CLCN2: variants seen among roughly 807,000 people sequenced by gnomAD.
The protein encoded by CLCN2 is chloride voltage-gated channel 2.
In CLCN2, 72 loss-of-function variants were observed where a neutral mutation model predicts 108.3. The ratio of observed to expected loss-of-function variants is 0.66; its 90% CI spans 0.55 to 0.81. The LOEUF is 0.81. Ranked by LOEUF, CLCN2 falls within the 30% of genes least tolerant of loss-of-function variation. CLCN2 has a pLI of 0.00. For missense variants in CLCN2, 1,048 were observed against 1,205.2 expected (o/e 0.87, Z 1.93); for synonymous variants, 471 against 467.1 (o/e 1.01, Z -0.11).
rs1457631922 is a variant in CLCN2 at position 184,358,749 on chromosome 3, G to A, written c.285C>T (p.Val95=). The A allele has an allele frequency of 1.9e-6, 3 of 1,605,840 alleles. No individual in the cohort carries two copies. The Admixed American group carries it at 5.1e-5, about 27-fold the overall frequency. ...CCAATGCCATGAGAAGCCCCAGCAG[G>A]ACCAGGAAGATCCAATCTTCACCAA... ...SRVGEDWIFL[V]LLGLLMALVS... is the part of the protein sequence containing the mutation. Residue 95 remains valine, a synonymous_variant, in exon 3 of 24, where the codon GTC becomes GTT. Transcript: ENST00000265593.
rs750254987 is a variant in CLCN2 at position 184,353,392 on chromosome 3, C to T, written c.1886G>A (p.Arg629His). ...ESMILLGSIE[R>H]SQVVALLGAQ... is the part of the protein sequence containing the mutation. ...CCCCAACAATGCCACCACCTGTGAA[C>T]GCTCGATGGAGCCCAGCAGAATCAT... The change falls in exon 17 of 24, where the codon CGT becomes CAT. Residue 629 changes from arginine to histidine, a missense_variant. Transcript: ENST00000265593. 9.3e-6 allele frequency: 15 copies of T among 1,612,224 alleles called. No individual in the cohort carries two copies. Among genetic ancestry groups the T allele is most frequent in the East Asian group, 6.7e-5 (3 of 44,878 alleles).
At chr3:184,351,742 TC>T (rs1728112169) in intron 22 of CLCN2, among the ~76,000 whole-genome samples, 1 of 152,186 alleles carries the variant, frequency 6.6e-6, no homozygotes, top group Non-Finnish European at 1.5e-5. Flanking sequence ...CCCAGCTCAA[TC>T]CCTGTCTTTG....
chr3:184,352,293 C>T lies in CLCN2; in HGVS notation c.2310G>A (p.Glu770=). ...ADLEGEMSPE[E]ILEWEEQQLD... Reference sequence around the variant, plus strand: ...GGTCCAGAGTCCAGTGGCACCTTACCTCTTCAGGGCTCATCTCGCCTTCCA... The same window carrying T: ...GGTCCAGAGTCCAGTGGCACCTTACTTCTTCAGGGCTCATCTCGCCTTCCA... Residue 770 remains glutamate (E), a splice_region_variant and synonymous_variant, in exon 21 of 24, where the codon GAG becomes GAA. Transcript: ENST00000265593. 6.2e-7 allele frequency: 1 copy of T among 1,613,518 alleles called. No homozygotes were observed. The highest frequency in any genetic ancestry group is 8.5e-7 in the Non-Finnish European group (1 of 1,180,024).
At chr3:184,347,483 G>A in intron 22 of CLCN2, 1 of 299,432 alleles carries the variant, frequency 3.3e-6, no homozygotes, top group Non-Finnish European at 6.5e-6. Flanking sequence ...TGGCTGTGCA[G>A]CCCCAGTCAC....
rs766247421 is a variant in CLCN2 at position 184,347,001 on chromosome 3, C to T, written c.2436G>A (p.Leu812=). Residue 812 remains leucine, a synonymous_variant, in exon 23 of 24, where the codon CTG becomes CTA. Transcript: ENST00000265593. ...SLHKTHTIFS[L]LGVDHAYVTS... The stretch of plus-strand genomic sequence containing the variant: ...TGACATAAGCATGGTCCACTCCCAG[C>T]AGTGAGAAGATAGTGTGAGTCTGCA... 7 of 1,613,846 alleles carry T rather than the reference C, an allele frequency of 4.3e-6. No homozygotes were observed. Among genetic ancestry groups the T allele is most frequent in the Non-Finnish European group, 5.9e-6 (7 of 1,179,886 alleles).
At chr3:184,358,582 T>G in intron 3 of CLCN2, 100 bp downstream of exon 3, 1 of 1,488,732 alleles carries the variant, frequency 6.7e-7, no homozygotes, top group South Asian at 1.2e-5. Flanking sequence ...AAGTGGTCAG[T>G]GGCCAAGAAG....
intron 9 of CLCN2, 35 bp downstream of exon 9, chr3:184,357,147 C>A (rs1560263837): frequency 1.9e-6 from 3 of 1,610,902 alleles, no homozygotes; most frequent in Non-Finnish European, 2.5e-6. Flanking sequence ...AAACCCCCCT[C>A]CTCTCTGATA....
rs747144140 is a variant in CLCN2, at chr3:184,346,678, G to A, written c.2625C>T (p.Leu875=). The change falls in exon 24 of 24, where the codon CTC becomes CTT. Residue 875 remains leucine (L), a synonymous_variant. Transcript: ENST00000265593. This position sits in a 1 kb window ranked among gnomAD's most constrained non-coding sequence, Gnocchi z 6.0. ...SDTETTEVHA[L]WGPHSRHGLP... ...GGCCATGACGGGAGTGGGGCCCCCA[G>A]AGTGCATGCACCTCAGTGGTCTCCG... The A allele has an allele frequency of 8.1e-6, 13 of 1,614,104 alleles. No individual in the cohort carries two copies. The highest frequency in any genetic ancestry group is 1.1e-5 in the Non-Finnish European group (13 of 1,180,046).
At chr3:184,353,897 G>T in intron 15 of CLCN2, 102 bp from the exon 16 acceptor site, 9 of 1,531,602 alleles carry the variant, frequency 5.9e-6, no homozygotes, top group Non-Finnish European at 8.0e-6. Context: ...GCCCATCCAT[G>T]GGGACGGGAG....
In CLCN2 at chr3:184,353,475, C is replaced by T. The variant is rs531626330; in HGVS notation, c.1856-53G>A. ...GAGCTGAGAGGGAGCCCTCCAGCCC[C>T]GTCCTTCTCTCACACTCAGAGTGGG... On this transcript the variant is annotated intron_variant, in intron 16 of 23. Coordinates refer to ENST00000265593, the MANE Select transcript of CLCN2 (RefSeq NM_004366.6). 22 of 1,560,698 alleles carry T rather than the reference C, an allele frequency of 1.4e-5. No individual in the cohort carries two copies. In the Admixed American group the frequency reaches 1.9e-4, roughly 14 times the overall value.
chr3:184,350,928 T>C (rs1728045674), intron 22 of CLCN2, among the ~76,000 whole-genome samples: 1 of 152,174 alleles, frequency 6.6e-6, no homozygotes, highest in Non-Finnish European at 1.5e-5. Flanking sequence ...TCATCATGGA[T>C]GTTTGAGGAG....
At chr3:184,349,184 T>C (rs994025914) in intron 22 of CLCN2, 1 of 152,160 alleles carries the variant, frequency 6.6e-6, no homozygotes, top group African/African-American at 2.4e-5. Context: ...TTTAAACAAT[T>C]TTTTTTAGTT....
At position 184,358,697 on chromosome 3, in the gene CLCN2, C is replaced by G; in HGVS notation, c.337G>C (p.Ala113Pro). ...TCACCCTCACCTTGCAGACAGGCAG[C>G]AATGGCATAGTCCATGACCCAGCTG... The part of the protein sequence containing the change: ...LVSWVMDYAI[A>P]ACLQAQQWMS... Residue 113 changes from alanine to proline, a missense_variant, in exon 3 of 24, where the codon GCT becomes CCT. Ala to Pro is a conservative substitution (Grantham distance 27). Transcript: ENST00000265593. 2 of 1,579,992 alleles carry G rather than the reference C, an allele frequency of 1.3e-6. No homozygotes were observed. Among genetic ancestry groups the G allele is most frequent in the Non-Finnish European group, 1.7e-6 (2 of 1,161,566 alleles).
At chr3:184,357,924 ACCAGGAGGGACT>A (rs1711522019) in intron 5 of CLCN2, 26 bp downstream of exon 5, 2 of 1,613,612 alleles carry the variant, frequency 1.2e-6, no homozygotes, top group African/African-American at 2.7e-5. Context: ...CTCCTCTTCC[ACCAGGAGGGACT>A]CCTTCATTCC....
rs939014024 is a variant in CLCN2 at position 184,354,535 on chromosome 3, C to A, written c.1507+13G>T. 3.1e-6 allele frequency: 5 copies of A among 1,607,570 alleles called. No individual in the cohort carries two copies. The African/African-American group carries it at 5.4e-5, about 17-fold the overall frequency. On this transcript the variant is annotated intron_variant, in intron 14 of 23. Coordinates refer to ENST00000265593, the MANE Select transcript of CLCN2 (RefSeq NM_004366.6). ...GGGGGTCTCCCAAGGCCGATGGGAC[C>A]TGAGGCACTCACCGACCACAGCGTA...
chr3:184,349,167 T>C (rs1727913518), intron 22 of CLCN2: 1 of 152,210 alleles, frequency 6.6e-6, no homozygotes, highest in East Asian at 1.9e-4. Context: ...CTCATTACAG[T>C]ATTTTTTTTA....
chr3:184,360,331 C>T (rs1202221359), intron 1 of CLCN2, among the ~76,000 whole-genome samples: 2 of 151,970 alleles, frequency 1.3e-5, no homozygotes, highest in South Asian at 2.1e-4. Flanking sequence ...CTGGAAGGGA[C>T]GGAGATGGAG....
chr3:184,352,230 A>G, intron 21 of CLCN2, 63 bp downstream of exon 21: 2 of 1,608,470 alleles, frequency 1.2e-6, no homozygotes, highest in Non-Finnish European at 1.7e-6. Context: ...TGGGGACAGC[A>G]GCCAACATGA....
In CLCN2 at chr3:184,346,791, C is replaced by T; in HGVS notation, c.2512G>A (p.Ala838Thr). The change falls in exon 24 of 24, where the codon GCC becomes ACC. Residue 838 changes from alanine to threonine, a missense_variant. Physicochemically the swap from Ala to Thr is moderately conservative, Grantham distance 58. Coordinates refer to ENST00000265593, the MANE Select transcript of CLCN2 (RefSeq NM_004366.6). This position sits in a 1 kb window ranked among gnomAD's most constrained non-coding sequence, Gnocchi z 6.0. ...GIVTLKELRK[A>T]IEGSVTAQGV... ...TGTGCTGTGACAGAGCCCTCGATGG[C>T]CTTCCGGAGCTGGAAAGGTGAGAGG... 1.2e-6 allele frequency: 2 copies of T among 1,614,042 alleles called. No individual in the cohort carries two copies. Among genetic ancestry groups the T allele is most frequent in the Non-Finnish European group, 1.7e-6 (2 of 1,180,008 alleles).
Sources: gnomAD v4.1 joint callset for allele counts (sites outside exome capture counted in the v4.1 genomes callset) on GRCh38, gnomAD v4.1.1 for gene constraint, Gnocchi (gnomAD v3.1) non-coding constraint, MANE v1.5 for transcripts, NCBI Gene and HGNC (gene_info 2026-07-23, HGNC 2026-07-21) for gene names.